HECW2: variants seen among roughly 807,000 people sequenced by gnomAD.
The protein encoded by HECW2 is E3 ubiquitin-protein ligase HECW2.
HECW2 carries 61 observed loss-of-function variants against 175.2 expected under a neutral mutation model. That is an observed-to-expected ratio of 0.35 (90% CI 0.28 to 0.43). The LOEUF (loss-of-function observed/expected upper bound fraction) is 0.43, where lower values mean the gene tolerates loss of function less well. HECW2 is among the 20% of genes least tolerant of loss of function. The pLI is 1.00. For missense variants in HECW2, 1,524 were observed against 2,000.5 expected, an observed-to-expected ratio of 0.76 and a Z score of 4.54; for synonymous variants, 671 against 731.0, an observed-to-expected ratio of 0.92 and a Z score of 1.32.
At chr2:196,496,221 C>CTG (rs1173709990) in intron 1 of HECW2, among the ~76,000 whole-genome samples, 1 of 151,510 alleles carries the variant, frequency 6.6e-6, no homozygotes, top group Non-Finnish European at 1.5e-5. Flanking sequence ...GTGTGTGTGT[C>CTG]TGTGTGTGTG....
rs181218976 is a variant in HECW2 at position 196,385,200 on chromosome 2, T to C, written c.293-41436A>G. On this transcript the variant is annotated intron_variant, in intron 2 of 28. Transcript: ENST00000644978. ...GTGCTGGGATTACAAGCATGAGCCA[T>C]TGTGCCTGGTCTGATGGTTTCTTTT... Among the ~76,000 whole-genome samples, 52 of 152,234 alleles carry C rather than the reference T, an allele frequency of 3.4e-4. No individual in the cohort carries two copies. The East Asian group carries it at 5.6e-3, about 16-fold the overall frequency.
At chr2:196,314,862 A>G (rs1691630019) in intron 10 of HECW2, among the ~76,000 whole-genome samples, 1 of 152,342 alleles carries the variant, frequency 6.6e-6, no homozygotes, top group East Asian at 1.9e-4. Context: ...AGAAGCCACA[A>G]GACACCACAG....
Position 196,577,449 on chromosome 2 carries a change from A to G in HECW2, c.-36+16059T>C, listed in dbSNP as rs183500012. ...TTAACAAAGAAAAAGGATCTATTAG[A>G]CCTGATGTTGGGGGAAAGACTGGCA... On this transcript the variant is annotated intron_variant, in intron 1 of 28. Coordinates refer to ENST00000644978, the MANE Select transcript of HECW2 (RefSeq NM_001348768.2). Among the ~76,000 whole-genome samples, 14 of 152,300 alleles carry G rather than the reference A, an allele frequency of 9.2e-5. No individual in the cohort carries two copies. The East Asian group carries it at 2.7e-3, about 29-fold the overall frequency.
rs1435265322 is a variant in HECW2, at chr2:196,198,214, G to C, written c.*3063C>G. On this transcript the variant is annotated 3_prime_UTR_variant, in exon 29 of 29. Transcript: ENST00000644978. ...AAAATCTTTGAGTTGCTCCTTCACA[G>C]ATCAGCTCCCTACACACTTTACACT... 6.6e-6 allele frequency: 1 copy of C among 151,956 alleles called. No homozygotes were observed. Among genetic ancestry groups the C allele is most frequent in the East Asian group, 1.9e-4 (1 of 5,170 alleles). 9.4% of individuals were successfully genotyped at this position (151,956 alleles called of 1,614,324 possible).
intron 1 of HECW2, among the ~76,000 whole-genome samples, chr2:196,566,216 A>G (rs1690181665): frequency 6.6e-6 from 1 of 151,992 alleles, no homozygotes; most frequent in Admixed American, 6.5e-5. Flanking sequence ...TATCTACATT[A>G]AAACCATTCT....
chr2:196,432,201 A>G (rs1283832738), intron 2 of HECW2, among the ~76,000 whole-genome samples: 1 of 152,150 alleles, frequency 6.6e-6, no homozygotes, highest in Non-Finnish European at 1.5e-5. Context: ...GTACTGCCAT[A>G]AACAGATGGG....
At chr2:196,500,352 C>T (rs1687533634) in intron 1 of HECW2, among the ~76,000 whole-genome samples, 2 of 152,092 alleles carry the variant, frequency 1.3e-5, no homozygotes, top group Non-Finnish European at 2.9e-5. Context: ...TATGTTGGAC[C>T]ACTTCATCAT....
chr2:196,199,802 G>C lies in HECW2; in HGVS notation c.*1475C>G, dbSNP rs948733802. ...TACCTTCTCATAAAATTAAGCAGAA[G>C]TAAGACTAGTGATGTCATGCAGTTT... On this transcript the variant is annotated 3_prime_UTR_variant, in exon 29 of 29. Transcript: ENST00000644978. 6.6e-6 allele frequency: 1 copy of C among 152,108 alleles called. No individual in the cohort carries two copies. Among genetic ancestry groups the C allele is most frequent in the Non-Finnish European group, 1.5e-5 (1 of 68,004 alleles). The allele number at this position is 152,108 out of a possible 1,614,324, so 9.4% of individuals were successfully genotyped here. A position where few individuals can be genotyped will look rare whatever the true frequency, so the allele number is the denominator to read the frequency against.
rs762157786 is a variant in HECW2, at chr2:196,358,118, G to A, written c.293-14354C>T. ...GGTTTAAATTCCATTTCTCCCATTCGCTGGATTTATGACCTTGGGCAAATC... is the reference window on the plus strand; with the variant it reads ...GGTTTAAATTCCATTTCTCCCATTCACTGGATTTATGACCTTGGGCAAATC... On this transcript the variant is annotated intron_variant, in intron 2 of 28. Transcript: ENST00000644978. 1.5e-3 allele frequency among the ~76,000 whole-genome samples: 235 copies of A among 152,026 alleles called. 2 individuals are homozygous for A. The highest frequency in any genetic ancestry group is 3.1e-3 in the Non-Finnish European group (208 of 68,012).
chr2:196,406,889 G>A, intron 2 of HECW2, among the ~76,000 whole-genome samples: 1 of 152,192 alleles, frequency 6.6e-6, no homozygotes, highest in Non-Finnish European at 1.5e-5. Flanking sequence ...AATCATTCCT[G>A]TTGCATTACA....
At position 196,308,021 on chromosome 2, in the gene HECW2, C is replaced by G. The variant is rs369287403; in HGVS notation, c.2499G>C (p.Thr833=). The G allele has an allele frequency of 2.1e-5, 34 of 1,602,876 alleles. No individual in the cohort carries two copies. The African/African-American group carries it at 4.1e-4, about 20-fold the overall frequency. ...GGGGAGCTGTCGGTCGCTGCCACGTCGTGGTTCTGTTTACGTGATCCACGT... is the reference window on the plus strand; with the variant it reads ...GGGGAGCTGTCGGTCGCTGCCACGTGGTGGTTCTGTTTACGTGATCCACGT... ...IFYVDHVNRT[T]TWQRPTAPPA... The change falls in exon 11 of 29, where the codon ACG becomes ACC. Residue 833 remains threonine, a synonymous_variant. Coordinates refer to ENST00000644978, the MANE Select transcript of HECW2 (RefSeq NM_001348768.2).
chr2:196,481,857 G>A (rs1686853786), intron 1 of HECW2, among the ~76,000 whole-genome samples: 2 of 152,134 alleles, frequency 1.3e-5, no homozygotes, highest in South Asian at 4.1e-4. Flanking sequence ...TATTTCAGAT[G>A]AGACACCTTA....
chr2:196,455,116 C>T (rs1696466672), intron 1 of HECW2, among the ~76,000 whole-genome samples: 2 of 152,106 alleles, frequency 1.3e-5, no homozygotes, highest in Non-Finnish European at 2.9e-5. Context: ...TCACTGCGAC[C>T]TCCACCTCCT....
chr2:196,537,982 CT>C (rs1266963091), intron 1 of HECW2, among the ~76,000 whole-genome samples: 1 of 152,172 alleles, frequency 6.6e-6, no homozygotes, highest in African/African-American at 2.4e-5. Flanking sequence ...TGCTTTTACT[CT>C]GCACTGTGGA....
At chr2:196,497,342 T>G (rs1481349267) in intron 1 of HECW2, among the ~76,000 whole-genome samples, 8 of 152,216 alleles carry the variant, frequency 5.3e-5, no homozygotes, top group Non-Finnish European at 7.3e-5. Context: ...TAAAACTCTA[T>G]AGCTTCCTAG....
At chr2:196,448,662 T>C (rs1054806987) in intron 1 of HECW2, among the ~76,000 whole-genome samples, 2 of 152,242 alleles carry the variant, frequency 1.3e-5, no homozygotes, top group African/African-American at 4.8e-5. Context: ...CACCTACTGT[T>C]ATCTTTGCAG....
At chr2:196,588,296 T>C (rs1366506640) in intron 1 of HECW2, among the ~76,000 whole-genome samples, 1 of 152,194 alleles carries the variant, frequency 6.6e-6, no homozygotes, top group Non-Finnish European at 1.5e-5. Context: ...TCAATACATA[T>C]TACTTGAATG....
At chr2:196,567,302 G>T (rs1297825356) in intron 1 of HECW2, among the ~76,000 whole-genome samples, 2 of 152,170 alleles carry the variant, frequency 1.3e-5, no homozygotes, top group African/African-American at 4.8e-5. Flanking sequence ...ACAAAAATAA[G>T]CTTCTGTCTT....
At chr2:196,441,192 T>C (rs1464977760) in intron 1 of HECW2, among the ~76,000 whole-genome samples, 2 of 152,128 alleles carry the variant, frequency 1.3e-5, no homozygotes, top group African/African-American at 4.8e-5. Flanking sequence ...TGAATGTCAA[T>C]TTACTAAACC....
Sources: allele counts gnomAD v4.1 joint callset (sites outside exome capture counted in the v4.1 genomes callset), GRCh38; gene constraint gnomAD v4.1.1; transcripts MANE v1.5; gene names NCBI Gene and HGNC (gene_info 2026-07-23, HGNC 2026-07-21).